Variants in AGBL4 observed in about 807,000 individuals in gnomAD.
The protein encoded by AGBL4 is cytosolic carboxypeptidase 6.
In AGBL4, 58 loss-of-function variants were observed where a neutral mutation model predicts 66.4. The observed-to-expected ratio is 0.87, with a 90% CI of 0.71 to 1.09. AGBL4 has a LOEUF of 1.09. Ranked by LOEUF, AGBL4 falls within the 50% of genes least tolerant of loss-of-function variation. The pLI is 0.00. For missense variants in AGBL4, 579 were observed against 631.0 expected (o/e 0.92, Z 0.88); for synonymous variants, 234 against 222.9 (o/e 1.05, Z -0.44).
intron 4 of AGBL4, among the ~76,000 whole-genome samples, chr1:49,121,395 G>A (rs892592377): frequency 2.0e-5 from 3 of 152,162 alleles, no homozygotes; most frequent in African/African-American, 7.2e-5. Flanking sequence ...AGGTTTTGTT[G>A]TAGATGCCTT....
intron 1 of AGBL4, among the ~76,000 whole-genome samples, chr1:49,960,620 C>T (rs1031292515): frequency 6.6e-6 from 1 of 152,046 alleles, no homozygotes; most frequent in Non-Finnish European, 1.5e-5. Context: ...ATGCTAATTA[C>T]CCTGATCTAA....
At chr1:48,769,598 T>C (rs1376949996) in intron 6 of AGBL4, among the ~76,000 whole-genome samples, 2 of 149,550 alleles carry the variant, frequency 1.3e-5, no homozygotes, top group Non-Finnish European at 3.0e-5. Flanking sequence ...TGTATGCTCC[T>C]TCCAAGTGCT....
chr1:48,564,730 C>G (rs1462675097), intron 11 of AGBL4, among the ~76,000 whole-genome samples: 14 of 152,126 alleles, frequency 9.2e-5, no homozygotes, highest in Non-Finnish European at 1.8e-4. Flanking sequence ...ACAGTAAATG[C>G]CACGCTCAAA....
At chr1:48,600,268 G>T (rs1645054515) in intron 9 of AGBL4, among the ~76,000 whole-genome samples, 1 of 152,136 alleles carries the variant, frequency 6.6e-6, no homozygotes, top group South Asian at 2.1e-4. Context: ...CAGAGAAAGG[G>T]GTATAGGGGT....
intron 3 of AGBL4, among the ~76,000 whole-genome samples, chr1:49,683,036 G>T (rs1646725328): frequency 6.6e-6 from 1 of 152,284 alleles, no homozygotes; most frequent in African/African-American, 2.4e-5. Context: ...ACTGATGTTT[G>T]CTCTGGATTA....
At chr1:49,852,877 T>C (rs1005536002) in intron 1 of AGBL4, among the ~76,000 whole-genome samples, 9 of 151,196 alleles carry the variant, frequency 6.0e-5, no homozygotes, top group Non-Finnish European at 1.2e-4. Flanking sequence ...AAAAATAAAA[T>C]AGCACTAGAA....
At chr1:49,125,736 T>C (rs893131603) in intron 4 of AGBL4, among the ~76,000 whole-genome samples, 2 of 152,074 alleles carry the variant, frequency 1.3e-5, no homozygotes, top group African/African-American at 2.4e-5. Context: ...CATTCTCAAA[T>C]GAGAAAAAAG....
At chr1:49,953,322 G>A (rs1656317911) in intron 1 of AGBL4, among the ~76,000 whole-genome samples, 1 of 151,814 alleles carries the variant, frequency 6.6e-6, no homozygotes, top group African/African-American at 2.4e-5. Flanking sequence ...AGAGATCCCT[G>A]GCTCTTTCAC....
chr1:48,724,339 G>A lies in AGBL4; in HGVS notation c.635-61098C>T, dbSNP rs1251817627. ...AGTGCTAGAGTTGGGAACTAAACTC[G>A]CATGCATCTGCCTCCTAACTCTAGC... On this transcript the variant is annotated intron_variant, in intron 6 of 13. Transcript: ENST00000371839. 3.9e-5 allele frequency among the ~76,000 whole-genome samples: 6 copies of A among 152,276 alleles called. No individual in the cohort carries two copies. In the East Asian group the frequency reaches 9.7e-4, roughly 24 times the overall value.
chr1:49,650,264 TG>T (rs913323920), intron 3 of AGBL4, among the ~76,000 whole-genome samples: 3 of 152,144 alleles, frequency 2.0e-5, no homozygotes, highest in Non-Finnish European at 2.9e-5. Flanking sequence ...GGAAAAAAGC[TG>T]GGGGCACAGA....
At chr1:49,916,411 C>T (rs1651500312) in intron 1 of AGBL4, among the ~76,000 whole-genome samples, 1 of 152,180 alleles carries the variant, frequency 6.6e-6, no homozygotes, top group Admixed American at 6.5e-5. Flanking sequence ...AGCTGAAAAC[C>T]ATGGCACAAG....
At chr1:48,603,649 G>A (rs1569966958) in intron 9 of AGBL4, among the ~76,000 whole-genome samples, 1 of 152,224 alleles carries the variant, frequency 6.6e-6, no homozygotes, top group East Asian at 1.9e-4. Context: ...AGTGTTTTAT[G>A]AAATTATAAC....
At chr1:49,568,399 G>A (rs113664452) in intron 3 of AGBL4, among the ~76,000 whole-genome samples, 3 of 44,694 alleles carry the variant, frequency 6.7e-5, no homozygotes, top group South Asian at 6.1e-4. Context: ...TACACAAAAA[G>A]AATAAAATAC....
chr1:49,845,463 G>A (rs1436141467), intron 2 of AGBL4: 6 of 1,529,838 alleles, frequency 3.9e-6, no homozygotes, highest in Non-Finnish European at 4.5e-6. Context: ...ACCTCACCCA[G>A]CACCTGCGAA....
chr1:48,762,502 A>C (rs1485142698), intron 6 of AGBL4, among the ~76,000 whole-genome samples: 2 of 152,144 alleles, frequency 1.3e-5, no homozygotes, highest in African/African-American at 4.8e-5. Flanking sequence ...GCTGTTTCTC[A>C]TAGTCCTCAA....
chr1:49,045,481 G>A (rs1438601918), intron 5 of AGBL4, 103 bp downstream of exon 5: 2 of 852,442 alleles, frequency 2.3e-6, no homozygotes, highest in East Asian at 5.4e-5. Flanking sequence ...GTTCTGGAAA[G>A]CACCAGTATT....
At chr1:49,797,762 T>TC (rs1644765375) in intron 2 of AGBL4, among the ~76,000 whole-genome samples, 1 of 152,068 alleles carries the variant, frequency 6.6e-6, no homozygotes, top group Non-Finnish European at 1.5e-5. Context: ...TTATCATTTT[T>TC]CTTTTTTTTT....
At chr1:49,209,929 T>C (rs866665366) in intron 4 of AGBL4, among the ~76,000 whole-genome samples, 1 of 152,228 alleles carries the variant, frequency 6.6e-6, no homozygotes, top group Middle Eastern at 3.4e-3. Flanking sequence ...TCATTGGTAT[T>C]CCCAGTGTAT....
chr1:49,951,531 T>G (rs1369908477), intron 1 of AGBL4, among the ~76,000 whole-genome samples: 1 of 151,970 alleles, frequency 6.6e-6, no homozygotes, highest in Non-Finnish European at 1.5e-5. Flanking sequence ...CTTGTTTTGA[T>G]CCTTGTAGCC....
Sources: allele counts gnomAD v4.1 joint callset (sites outside exome capture counted in the v4.1 genomes callset), GRCh38; gene constraint gnomAD v4.1.1; transcripts MANE v1.5; gene names NCBI Gene and HGNC (gene_info 2026-07-23, HGNC 2026-07-21).